PVT1: variants seen among roughly 807,000 people sequenced by gnomAD.
PVT1 encodes the protein CXCR4/PVT1 fusion.
At chr8:127,938,971 C>T (rs1430853580) in intron 3 of PVT1, among the ~76,000 whole-genome samples, 4 of 152,198 alleles carry the variant, frequency 2.6e-5, no homozygotes, top group Admixed American at 6.5e-5. Context: ...AGGGATGCTG[C>T]AATTTAGGAC....
chr8:127,926,134 G>T (rs1314687110), intron 3 of PVT1, among the ~76,000 whole-genome samples: 1 of 152,170 alleles, frequency 6.6e-6, no homozygotes, highest in Non-Finnish European at 1.5e-5. Flanking sequence ...TCCCCAGAGT[G>T]GTTCTTTTCC....
chr8:128,053,038 G>A (rs893410841), intron 4 of PVT1, among the ~76,000 whole-genome samples: 1 of 152,204 alleles, frequency 6.6e-6, no homozygotes, highest in African/African-American at 2.4e-5. Flanking sequence ...AATGGGTGGT[G>A]CATGAAACAA....
At chr8:127,943,039 C>T (rs912440305) in intron 3 of PVT1, among the ~76,000 whole-genome samples, 1 of 152,212 alleles carries the variant, frequency 6.6e-6, no homozygotes, top group African/African-American at 2.4e-5. Flanking sequence ...TTGAGCCTCT[C>T]TCCTGAGGTC....
chr8:127,914,223 T>C (rs1416137769), intron 3 of PVT1, among the ~76,000 whole-genome samples: 2 of 122,946 alleles, frequency 1.6e-5, no homozygotes, highest in Admixed American at 1.1e-4. Context: ...TCATACCTAC[T>C]AGGATGGCTG....
In PVT1 at chr8:128,021,810, C is replaced by T. The variant is rs528608292; in HGVS notation, n.912+32519C>T. 1.8e-4 allele frequency among the ~76,000 whole-genome samples: 28 copies of T among 152,254 alleles called. 1 individual carries two copies. Among genetic ancestry groups the T allele is most frequent in the African/African-American group, 5.8e-4 (24 of 41,550 alleles). On this transcript the variant is annotated intron_variant and non_coding_transcript_variant, in intron 4 of 10. Transcript: ENST00000651587. ...ATATGGCAGGGAGGTCTTCAGTGTC[C>T]TTTCTCCTTCATTCTTGATTAGCGT...
intron 4 of PVT1, among the ~76,000 whole-genome samples, chr8:127,994,342 A>G (rs1586472280): frequency 6.6e-6 from 1 of 151,660 alleles, no homozygotes; most frequent in African/African-American, 2.4e-5. Context: ...CACTGAACCC[A>G]CCTCCCCAGC....
intron 3 of PVT1, among the ~76,000 whole-genome samples, chr8:127,935,457 C>T (rs1816261814): frequency 6.6e-6 from 1 of 151,928 alleles, no homozygotes; most frequent in African/African-American, 2.4e-5. Flanking sequence ...GTCTTTTTCC[C>T]TAGGGTGGGT....
intron 2 of PVT1, among the ~76,000 whole-genome samples, chr8:127,817,017 C>A (rs1814669192): frequency 6.6e-6 from 1 of 151,916 alleles, no homozygotes; most frequent in Admixed American, 6.6e-5. Flanking sequence ...TCCCCCCACC[C>A]CCTCCCGATA....
intron 2 of PVT1, among the ~76,000 whole-genome samples, chr8:127,857,753 A>C (rs1586409426): frequency 3.3e-5 from 5 of 152,192 alleles, no homozygotes; most frequent in Admixed American, 3.3e-4. Flanking sequence ...GACATTGTTT[A>C]TTGCTTTTTT....
intron 4 of PVT1, chr8:128,049,023 T>A (rs1403215577): frequency 1.5e-5 from 6 of 402,814 alleles, no homozygotes; most frequent in Non-Finnish European, 2.9e-5. Flanking sequence ...CAGCCATATG[T>A]TTAAGCTTGA....
chr8:128,027,319 C>G (rs550136209), intron 4 of PVT1, among the ~76,000 whole-genome samples: 15 of 152,214 alleles, frequency 9.9e-5, no homozygotes, highest in Non-Finnish European at 1.9e-4. Context: ...CAGGACTTCA[C>G]TGTTTGAGGT....
At chr8:128,031,023 C>T (rs1395808234) in intron 4 of PVT1, among the ~76,000 whole-genome samples, 1 of 152,238 alleles carries the variant, frequency 6.6e-6, no homozygotes, top group East Asian at 1.9e-4. Context: ...TTCTCCCAAC[C>T]ATCGTGTTGA....
intron 3 of PVT1, among the ~76,000 whole-genome samples, chr8:127,901,023 C>T (rs1815752508): frequency 1.3e-5 from 2 of 152,130 alleles, no homozygotes; most frequent in South Asian, 2.1e-4. Flanking sequence ...AATGGGGGCC[C>T]CTTGCAGAAG....
intron 4 of PVT1, among the ~76,000 whole-genome samples, chr8:128,060,052 C>T (rs181109323): frequency 2.0e-5 from 3 of 152,004 alleles, no homozygotes; most frequent in Non-Finnish European, 4.4e-5. Flanking sequence ...GTCAGGAGAT[C>T]GAGACCATCC....
intron 3 of PVT1, among the ~76,000 whole-genome samples, chr8:127,925,036 G>A (rs548019428): frequency 2.0e-5 from 3 of 152,142 alleles, no homozygotes; most frequent in Admixed American, 6.5e-5. Context: ...AAAAGAAATC[G>A]TTTTTATTAG....
chr8:127,931,896 T>C (rs1250261753), intron 3 of PVT1, among the ~76,000 whole-genome samples: 2 of 152,278 alleles, frequency 1.3e-5, no homozygotes, highest in East Asian at 3.8e-4. Context: ...TGTAAGGCCC[T>C]GCGGCTGGTC....
At chr8:128,023,008 A>G (rs1046964513) in intron 4 of PVT1, among the ~76,000 whole-genome samples, 12 of 152,014 alleles carry the variant, frequency 7.9e-5, no homozygotes, top group Admixed American at 2.0e-4. Flanking sequence ...CTGGGATTAC[A>G]GGAGTGCACC....
At chr8:128,074,178 G>A (rs1814047985) in intron 5 of PVT1, among the ~76,000 whole-genome samples, 1 of 152,062 alleles carries the variant, frequency 6.6e-6, no homozygotes, top group Non-Finnish European at 1.5e-5. Flanking sequence ...CTAGAAAAAG[G>A]AGCCCAGAAA....
At chr8:128,055,373 C>T (rs149407438) in intron 4 of PVT1, among the ~76,000 whole-genome samples, 48 of 152,250 alleles carry the variant, frequency 3.2e-4, no homozygotes, top group East Asian at 1.5e-3. Flanking sequence ...TTAACTTTTC[C>T]GGGCTTAAGT....
Sources: allele counts gnomAD v4.1 joint callset (sites outside exome capture counted in the v4.1 genomes callset), GRCh38; gene constraint gnomAD v4.1.1; transcripts MANE v1.5; gene names NCBI Gene and HGNC (gene_info 2026-07-23, HGNC 2026-07-21).